CSMD1: variants seen among roughly 807,000 people sequenced by gnomAD.
The protein encoded by CSMD1 is CUB and sushi domain-containing protein 1.
CSMD1 carries 213 observed loss-of-function variants against 417.5 expected under a neutral mutation model. The observed-to-expected ratio is 0.51, with a 90% confidence interval of 0.46 to 0.57. The LOEUF is 0.57. CSMD1 is among the 20% of genes least tolerant of loss of function. The pLI, the probability that CSMD1 is intolerant of heterozygous loss-of-function variation, is 0.00. For synonymous variants in CSMD1, 2,862 were observed against 1,736.8 expected, an observed-to-expected ratio of 1.65 and a Z score of -16.11; for missense variants, 6,923 against 4,529.7, an observed-to-expected ratio of 1.53 and a Z score of -15.17.
At chr8:4,483,937 T>C (rs1283009513) in intron 2 of CSMD1, among the ~76,000 whole-genome samples, 1 of 152,170 alleles carries the variant, frequency 6.6e-6, no homozygotes, top group Non-Finnish European at 1.5e-5. Flanking sequence ...CTTTGTTGTA[T>C]AATGTCGTTG....
intron 10 of CSMD1, among the ~76,000 whole-genome samples, chr8:3,568,622 T>G (rs1053789430): frequency 6.6e-6 from 1 of 152,152 alleles, no homozygotes. Flanking sequence ...TATATGTATT[T>G]GAGAGCTATA....
chr8:4,623,242 A>C (rs570779153), intron 2 of CSMD1, among the ~76,000 whole-genome samples: 35 of 152,274 alleles, frequency 2.3e-4, no homozygotes, highest in African/African-American at 8.4e-4. Context: ...ATAAAATACT[A>C]ATATTATTGG....
At chr8:4,140,537 G>T (rs916790437) in intron 3 of CSMD1, among the ~76,000 whole-genome samples, 1 of 150,932 alleles carries the variant, frequency 6.6e-6, no homozygotes, top group Non-Finnish European at 1.5e-5. Context: ...GTGTGGTGGT[G>T]TGCACCTGTA....
At chr8:4,962,496 C>T (rs766685891) in intron 1 of CSMD1, among the ~76,000 whole-genome samples, 2 of 152,148 alleles carry the variant, frequency 1.3e-5, no homozygotes, top group African/African-American at 2.4e-5. Context: ...CAGGCATGTC[C>T]CATCGTGCCC....
chr8:4,183,425 G>C (rs1327937812), intron 3 of CSMD1, among the ~76,000 whole-genome samples: 1 of 152,126 alleles, frequency 6.6e-6, no homozygotes, highest in Non-Finnish European at 1.5e-5. Flanking sequence ...CATACTGTGG[G>C]TCACAGCTTG....
intron 11 of CSMD1, among the ~76,000 whole-genome samples, chr8:3,492,629 T>C (rs778523908): frequency 8.5e-5 from 13 of 152,186 alleles, no homozygotes; most frequent in African/African-American, 1.2e-4. Flanking sequence ...TGTGATAAAA[T>C]GGACAAAAAC....
chr8:2,955,468 G>T, intron 64 of CSMD1, 121 bp downstream of exon 64: 2 of 851,860 alleles, frequency 2.3e-6, no homozygotes, highest in Non-Finnish European at 3.7e-6. Flanking sequence ...TGAGGCAGGT[G>T]GCGATGCTGC....
intron 6 of CSMD1, among the ~76,000 whole-genome samples, chr8:3,735,255 C>G (rs573769387): frequency 1.3e-5 from 2 of 152,250 alleles, no homozygotes; most frequent in East Asian, 3.9e-4. Flanking sequence ...AGTGATATTA[C>G]TCAACACAGA....
intron 2 of CSMD1, among the ~76,000 whole-genome samples, chr8:4,473,752 T>A (rs1035987899): frequency 6.6e-6 from 1 of 152,200 alleles, no homozygotes; most frequent in African/African-American, 2.4e-5. Context: ...TTAGTTTCTT[T>A]TCAACCAAAT....
intron 2 of CSMD1, among the ~76,000 whole-genome samples, chr8:4,550,661 T>G (rs558855891): frequency 6.6e-6 from 1 of 152,190 alleles, no homozygotes; most frequent in African/African-American, 2.4e-5. Context: ...ACAGTTTACC[T>G]AGACAAAGGT....
intron 3 of CSMD1, among the ~76,000 whole-genome samples, chr8:4,240,896 A>T (rs1156296680): frequency 6.6e-6 from 1 of 152,204 alleles, no homozygotes; most frequent in African/African-American, 2.4e-5. Context: ...GGCGCATGTT[A>T]CTGTAAAGAA....
chr8:4,056,246 T>C (rs944210171), intron 3 of CSMD1, among the ~76,000 whole-genome samples: 4 of 151,844 alleles, frequency 2.6e-5, no homozygotes, highest in African/African-American at 9.7e-5. Context: ...CACTCCTGGC[T>C]AATTTTTGTA....
At chr8:4,054,068 ATC>A (rs1563061682) in intron 3 of CSMD1, among the ~76,000 whole-genome samples, 4 of 152,204 alleles carry the variant, frequency 2.6e-5, no homozygotes, top group South Asian at 4.1e-4. Context: ...TGCTACTCCT[ATC>A]TCTCTCTGTC....
intron 50 of CSMD1, among the ~76,000 whole-genome samples, chr8:3,034,949 G>A (rs1327666477): frequency 1.3e-5 from 2 of 152,108 alleles, no homozygotes; most frequent in East Asian, 1.9e-4. Flanking sequence ...GGAGGGCCTC[G>A]GAAACGGCTT....
chr8:3,460,274 C>T (rs193029592), intron 12 of CSMD1, among the ~76,000 whole-genome samples: 6 of 151,768 alleles, frequency 4.0e-5, no homozygotes, highest in South Asian at 2.1e-4. Flanking sequence ...TGGGGAGATA[C>T]GTGTGCAAAG....
chr8:4,029,332 G>T (rs185065539), intron 4 of CSMD1, among the ~76,000 whole-genome samples: 26 of 152,268 alleles, frequency 1.7e-4, no homozygotes, highest in Middle Eastern at 3.4e-3. Context: ...CCAAGAATGG[G>T]CAATTTACAA....
chr8:4,076,184 G>C (rs1585260220), intron 3 of CSMD1, among the ~76,000 whole-genome samples: 1 of 152,172 alleles, frequency 6.6e-6, no homozygotes, highest in Admixed American at 6.5e-5. Context: ...ACGACAGTGA[G>C]TGAGTTCTCA....
intron 3 of CSMD1, among the ~76,000 whole-genome samples, chr8:4,067,635 C>T (rs1246777941): frequency 6.6e-6 from 1 of 152,150 alleles, no homozygotes; most frequent in Non-Finnish European, 1.5e-5. Context: ...CCTACATAAA[C>T]TGATTTCATT....
At chr8:4,797,478 A>G (rs1177656057) in intron 1 of CSMD1, among the ~76,000 whole-genome samples, 1 of 152,192 alleles carries the variant, frequency 6.6e-6, no homozygotes, top group Non-Finnish European at 1.5e-5. Context: ...ATGTTGGCGC[A>G]AAAGTCATTG....
Sources: allele counts gnomAD v4.1 joint callset (sites outside exome capture counted in the v4.1 genomes callset), GRCh38; gene constraint gnomAD v4.1.1; transcripts MANE v1.5; gene names NCBI Gene and HGNC (gene_info 2026-07-23, HGNC 2026-07-21).